NUMB: variants seen among roughly 807,000 people sequenced by gnomAD.
NUMB encodes the protein NUMB endocytic adaptor protein, also known as protein numb homolog.
NUMB carries 29 observed loss-of-function variants against 59.7 expected under a neutral mutation model. The ratio of observed to expected loss-of-function variants is 0.49; its 90% CI spans 0.36 to 0.66. The LOEUF is 0.66. Among genes scored for constraint, NUMB ranks in the 30% least tolerant of loss-of-function variants. The pLI is 0.00. For missense variants in NUMB, 723 were observed against 822.0 expected (o/e 0.88, Z 1.47); for synonymous variants, 288 against 288.2 (o/e 1.00, Z 0.01).
intron 1 of NUMB, among the ~76,000 whole-genome samples, chr14:73,426,435 A>G (rs1188838096): frequency 6.6e-6 from 1 of 152,144 alleles, no homozygotes; most frequent in African/African-American, 2.4e-5. Flanking sequence ...GGCCTGGCAC[A>G]GGGGCTCACA....
At chr14:73,370,857 G>A (rs933671301) in intron 2 of NUMB, among the ~76,000 whole-genome samples, 2 of 152,138 alleles carry the variant, frequency 1.3e-5, no homozygotes, top group Non-Finnish European at 2.9e-5. Flanking sequence ...TAAGATACAT[G>A]AAAAAATGTT....
chr14:73,400,240 G>A (rs573774265), intron 2 of NUMB, among the ~76,000 whole-genome samples: 41 of 152,118 alleles, frequency 2.7e-4, no homozygotes, highest in Non-Finnish European at 5.3e-4. Flanking sequence ...ATGGAGACAG[G>A]AAAAGGATCA....
intron 1 of NUMB, among the ~76,000 whole-genome samples, chr14:73,440,818 A>T (rs1883007512): frequency 9.1e-6 from 1 of 109,330 alleles, no homozygotes; most frequent in Non-Finnish European, 1.7e-5. Flanking sequence ...ACAGAGCGAG[A>T]CTCCGTCTCA....
chr14:73,404,360 A>G (rs781211070), intron 2 of NUMB, among the ~76,000 whole-genome samples: 11 of 152,042 alleles, frequency 7.2e-5, no homozygotes, highest in Non-Finnish European at 1.3e-4. Flanking sequence ...AGGTATGATC[A>G]GGGTCTTGGG....
At position 73,284,176 on chromosome 14, in the gene NUMB, T is replaced by C; in HGVS notation, c.854A>G (p.Gln285Arg). The C allele has an allele frequency of 6.2e-7, 1 of 1,614,194 alleles. No individual in the cohort carries two copies. The highest frequency in any genetic ancestry group is 8.5e-7 in the Non-Finnish European group (1 of 1,180,034). The change falls in exon 10 of 13, where the codon CAG becomes CGG. Residue 285 changes from glutamine to arginine, a missense_variant. This residue lies in a region of NUMB where 317 missense variants were observed against 436.6 expected (regional missense o/e 0.73). Coordinates refer to ENST00000555238, the MANE Select transcript of NUMB (RefSeq NM_001005743.2). ...GSFRGFPALS[Q>R]KMSPFKRQLS... Reference sequence around the variant, plus strand: ...TTGGCGTTTAAAGGGTGACATCTTCTGGCTAAGAGCAGGAAAACCTCGGAA... The same window carrying C: ...TTGGCGTTTAAAGGGTGACATCTTCCGGCTAAGAGCAGGAAAACCTCGGAA...
chr14:73,366,717 A>G (rs986046449), intron 3 of NUMB, among the ~76,000 whole-genome samples, 180 bp downstream of exon 3: 4 of 152,226 alleles, frequency 2.6e-5, no homozygotes, highest in African/African-American at 9.6e-5. Context: ...GCTTTTCACA[A>G]TATTGAAAAG....
intron 2 of NUMB, among the ~76,000 whole-genome samples, chr14:73,400,955 A>G (rs766191848): frequency 1.3e-5 from 2 of 152,248 alleles, no homozygotes; most frequent in Non-Finnish European, 2.9e-5. Context: ...GAGCCACTCT[A>G]GCAAATTAAT....
At chr14:73,317,159 G>A (rs1156969120) in intron 5 of NUMB, among the ~76,000 whole-genome samples, 1 of 152,154 alleles carries the variant, frequency 6.6e-6, no homozygotes, top group Non-Finnish European at 1.5e-5. Context: ...TATCTATTAA[G>A]GTTACAAGGC....
At chr14:73,433,414 T>G (rs1369980344) in intron 1 of NUMB, among the ~76,000 whole-genome samples, 1 of 152,050 alleles carries the variant, frequency 6.6e-6, no homozygotes, top group Non-Finnish European at 1.5e-5. Flanking sequence ...AGAGCCAGAC[T>G]CCATCTCAAA....
intron 2 of NUMB, among the ~76,000 whole-genome samples, chr14:73,393,918 A>C (rs889470101): frequency 3.4e-4 from 51 of 152,156 alleles, no homozygotes; most frequent in Non-Finnish European, 1.3e-4. Context: ...TAACTGTTTA[A>C]ATTTAATTTT....
At chr14:73,378,373 A>T (rs1895072734) in intron 2 of NUMB, among the ~76,000 whole-genome samples, 1 of 152,220 alleles carries the variant, frequency 6.6e-6, no homozygotes, top group African/African-American at 2.4e-5. Context: ...TACTCTTCAC[A>T]TACAATCCAG....
intron 2 of NUMB, among the ~76,000 whole-genome samples, chr14:73,393,608 T>C (rs1895964480): frequency 6.6e-6 from 1 of 152,248 alleles, no homozygotes; most frequent in African/African-American, 2.4e-5. Context: ...GTTTTAATGT[T>C]TGCAGTTGCT....
intron 4 of NUMB, among the ~76,000 whole-genome samples, chr14:73,331,877 T>G (rs571190264): frequency 6.6e-5 from 10 of 152,264 alleles, no homozygotes; most frequent in African/African-American, 2.4e-4. Flanking sequence ...TTAAACCTCT[T>G]TTCTTTATAA....
chr14:73,333,025 TGTG>T (rs1892074157), intron 4 of NUMB, among the ~76,000 whole-genome samples: 1 of 152,216 alleles, frequency 6.6e-6, no homozygotes, highest in Admixed American at 6.5e-5. Context: ...ACATTTGGAC[TGTG>T]GTGAATAGTA....
At chr14:73,458,200 G>T in intron 1 of NUMB, 1 of 152,588 alleles carries the variant, frequency 6.6e-6, no homozygotes, top group South Asian at 2.0e-4. Context: ...CAGCGCGCTA[G>T]ACCGGAGCAG....
intron 1 of NUMB, among the ~76,000 whole-genome samples, chr14:73,434,378 G>C (rs960935468): frequency 2.6e-5 from 4 of 152,160 alleles, no homozygotes; most frequent in African/African-American, 9.7e-5. Flanking sequence ...AAATTAGTTA[G>C]TGCATGTAAA....
At chr14:73,417,091 G>A (rs11847789) in intron 1 of NUMB, among the ~76,000 whole-genome samples, 7,776 of 151,740 alleles carry the variant, frequency 0.051, 652 homozygotes, top group African/African-American at 0.18. Flanking sequence ...TCCAGGCGAC[G>A]ATCATCTTCC....
At chr14:73,424,045 T>A (rs1897474467) in intron 1 of NUMB, among the ~76,000 whole-genome samples, 1 of 151,840 alleles carries the variant, frequency 6.6e-6, no homozygotes. Context: ...TTAATACTTG[T>A]ACTGTTTGTA....
intron 2 of NUMB, among the ~76,000 whole-genome samples, chr14:73,368,748 A>C (rs1469157031): frequency 1.3e-5 from 2 of 152,186 alleles, no homozygotes; most frequent in Admixed American, 1.3e-4. Context: ...CAAGAAAAGG[A>C]ATATTAAAAG....
Sources: allele counts gnomAD v4.1 joint callset (sites outside exome capture counted in the v4.1 genomes callset), GRCh38; gene constraint gnomAD v4.1.1; regional missense constraint gnomAD v4.1.1; transcripts MANE v1.5; gene names NCBI Gene and HGNC (gene_info 2026-07-23, HGNC 2026-07-21).